CD3D: variants seen among roughly 807,000 people sequenced by gnomAD.
CD3D encodes CD3 delta subunit of T-cell receptor complex.
Under a neutral mutation model 22.0 loss-of-function variants are expected in CD3D, and 22 were observed. That is an observed-to-expected ratio of 1.00 (90% CI 0.71 to 1.43). The LOEUF (loss-of-function observed/expected upper bound fraction) is 1.43, where lower values mean the gene tolerates loss of function less well. CD3D is among the 40% of genes most tolerant of loss of function. CD3D has a pLI of 0.00. For synonymous variants in CD3D, 74 were observed against 81.2 expected (o/e 0.91, Z 0.48); for missense variants, 205 against 211.7 (o/e 0.97, Z 0.20).
At chr11:118,339,308 G>A in intron 4 of CD3D, 81 bp from the exon 5 acceptor site, 2 of 1,513,252 alleles carry the variant, frequency 1.3e-6, no homozygotes, top group East Asian at 2.3e-5. Context: ...CTGACGATGA[G>A]AGCTCCTGCC....
downstream of CD3D, chr11:118,338,992 G>C (rs1221752850): frequency 1.4e-6 from 1 of 714,692 alleles, no homozygotes; most frequent in African/African-American, 1.7e-5. Flanking sequence ...GGAAGAAACA[G>C]GTAGGTAGGA....
In CD3D at chr11:118,340,507, C is replaced by T. The variant is rs781625373; in HGVS notation, c.142G>A (p.Val48Met). ...NTSITWVEGT[V>M]GTLLSDITRL... ...GTAATGTCTGAGAGCAGTGTTCCCA[C>T]CGTTCCCTCTACCCATGTGATGCTG... The change falls in exon 2 of 5, where the codon GTG becomes ATG. Residue 48 changes from valine (V) to methionine (M), a missense_variant. By Grantham distance (21) the Val-to-Met change is conservative. Coordinates refer to ENST00000300692, the MANE Select transcript of CD3D (RefSeq NM_000732.6). 3.1e-6 allele frequency: 5 copies of T among 1,613,986 alleles called. No individual in the cohort carries two copies. Among genetic ancestry groups the T allele is most frequent in the African/African-American group, 1.3e-5 (1 of 74,918 alleles).
chr11:118,339,441 C>T lies in CD3D; in HGVS notation c.450+10G>A. 2 of 1,614,064 alleles carry T rather than the reference C, an allele frequency of 1.2e-6. No individual in the cohort carries two copies. Among genetic ancestry groups the T allele is most frequent in the Non-Finnish European group, 1.7e-6 (2 of 1,179,968 alleles). On this transcript the variant is annotated intron_variant, in intron 4 of 4. Coordinates refer to ENST00000300692, the MANE Select transcript of CD3D (RefSeq NM_000732.6). ...CCCTTCATTCCTGCCTCCTTCCCCTCAACGCTCACCTGATAGACCTGGTCA... is the reference window on the plus strand; with the variant it reads ...CCCTTCATTCCTGCCTCCTTCCCCTTAACGCTCACCTGATAGACCTGGTCA...
chr11:118,342,233 T>C (rs532780735), intron 1 of CD3D, among the ~76,000 whole-genome samples: 1 of 151,860 alleles, frequency 6.6e-6, no homozygotes, highest in Non-Finnish European at 1.5e-5. Context: ...GGCAGTGGCA[T>C]GATCACAGCT....
chr11:118,342,493 C>T (rs1948308047), intron 1 of CD3D, 60 bp downstream of exon 1: 4 of 1,456,858 alleles, frequency 2.7e-6, no homozygotes, highest in Non-Finnish European at 3.9e-6. Context: ...AAGTGGGCCT[C>T]ACTCCCATCA....
At position 118,342,582 on chromosome 11, in the gene CD3D, C is replaced by T. The variant is rs781135510; in HGVS notation, c.26G>A (p.Gly9Asp). 6.2e-7 allele frequency: 1 copy of T among 1,613,690 alleles called. No individual in the cohort carries two copies. Among genetic ancestry groups the T allele is most frequent in the South Asian group, 1.1e-5 (1 of 91,084 alleles). ...CGAGAGAAGGGTAGCCAGTACCAGG[C>T]CAGAGAGAAACGTGCTATGTTCCAT... Reference protein sequence around the residue: MEHSTFLSGLVLATLLSQV... With the variant: MEHSTFLSDLVLATLLSQV... The change falls in exon 1 of 5, where the codon GGC becomes GAC. Residue 9 changes from glycine to aspartate, a missense_variant. Transcript: ENST00000300692.
At chr11:118,341,129 C>T (rs2134060489) in intron 1 of CD3D, among the ~76,000 whole-genome samples, 1 of 152,318 alleles carries the variant, frequency 6.6e-6, no homozygotes, top group Non-Finnish European at 1.5e-5. Context: ...TTTCCCAGGG[C>T]CAGGGATGGC....
At chr11:118,340,051 T>C (rs969779086) in intron 2 of CD3D, 145 bp from the exon 3 acceptor site, 7 of 935,916 alleles carry the variant, frequency 7.5e-6, no homozygotes, top group Admixed American at 4.0e-5. Context: ...GTGATGGGCT[T>C]GCCACACCTT....
At position 118,339,501 on chromosome 11, in the gene CD3D, G is replaced by A. The variant is rs1214819999; in HGVS notation, c.407-7C>T. 1 of 1,614,128 alleles carries A rather than the reference G, an allele frequency of 6.2e-7. No homozygotes were observed. Among genetic ancestry groups the A allele is most frequent in the Non-Finnish European group, 8.5e-7 (1 of 1,180,024 alleles). On this transcript the variant is annotated splice_region_variant and splice_polypyrimidine_tract_variant and intron_variant, in intron 3 of 4. Coordinates refer to ENST00000300692, the MANE Select transcript of CD3D (RefSeq NM_000732.6). ...AGAGCTTGTGTGTCGGCAGCTAGAA[G>A]AACCAGAGAGAGACATCAATGGCCT... is the stretch of plus-strand genomic sequence containing the variant.
In CD3D at chr11:118,342,552, C is replaced by A; in HGVS notation, c.55+1G>T. On this transcript the variant is annotated splice_donor_variant, in intron 1 of 4. Transcript: ENST00000300692. LOFTEE classifies it high-confidence loss of function. ...CCCCCACCCACCTGGAGTAGCCTTACCTTGCGAGAGAAGGGTAGCCAGTAC... is the reference window on the plus strand; with the variant it reads ...CCCCCACCCACCTGGAGTAGCCTTAACTTGCGAGAGAAGGGTAGCCAGTAC... 6.2e-7 allele frequency: 1 copy of A among 1,613,522 alleles called. No homozygotes were observed. Among genetic ancestry groups the A allele is most frequent in the African/African-American group, 1.3e-5 (1 of 74,992 alleles).
intron 2 of CD3D, 29 bp from the exon 3 acceptor site, chr11:118,339,935 G>T: frequency 6.2e-7 from 1 of 1,613,750 alleles, no homozygotes; most frequent in Non-Finnish European, 8.5e-7. Context: ...GAGAGGAGAG[G>T]TTGAGAGCCT....
At chr11:118,339,026 G>A (rs199676190), downstream of CD3D, 8 of 814,230 alleles carry the variant, frequency 9.8e-6, no homozygotes, top group African/African-American at 1.2e-4. Flanking sequence ...AGCAAGTCAG[G>A]ACAACTCCCA....
rs1299729655 is a variant in CD3D, at chr11:118,339,092, A to G, written c.*70T>C. 7.5e-7 allele frequency: 1 copy of G among 1,338,504 alleles called. No homozygotes were observed. The highest frequency in any genetic ancestry group is 1.1e-6 in the Non-Finnish European group (1 of 928,774). 82.9% of individuals were successfully genotyped at this position (1,338,504 alleles called of 1,614,324 possible). ...GCACCTGCTGAGTGAAAGAGGATATATTTATTGGCTGAGCAAGAAGGGAAG... is the reference window on the plus strand; with the variant it reads ...GCACCTGCTGAGTGAAAGAGGATATGTTTATTGGCTGAGCAAGAAGGGAAG... On this transcript the variant is annotated 3_prime_UTR_variant, in exon 5 of 5. Transcript: ENST00000300692.
rs529268621 is a variant in CD3D, at chr11:118,340,589, G to A, written c.60C>T (p.Ser20=). 2 of 1,609,910 alleles carry A rather than the reference G, an allele frequency of 1.2e-6. No homozygotes were observed. Among genetic ancestry groups the A allele is most frequent in the South Asian group, 1.1e-5 (1 of 90,882 alleles). The change falls in exon 2 of 5, where the codon AGC becomes AGT. Residue 20 remains serine (S), a synonymous_variant. Transcript: ENST00000300692. ...LVLATLLSQV[S]PFKIPIEELE... ...GTTCCTCTATAGGTATCTTGAAGGG[G>A]CTCACTAAAGGGGAAAAAATATCAC...
intron 1 of CD3D, chr11:118,340,905 T>G (rs1411771475): frequency 3.4e-6 from 2 of 580,064 alleles, no homozygotes; most frequent in Non-Finnish European, 6.5e-6. Flanking sequence ...TGATGAGGAG[T>G]AGGGGGAGCA....
chr11:118,339,258 G>A (rs753689641), intron 4 of CD3D, 31 bp from the exon 5 acceptor site: 4 of 1,601,244 alleles, frequency 2.5e-6, no homozygotes, highest in Non-Finnish European at 1.7e-6. Context: ...ACGGTCAGGA[G>A]GCAGGGTTAG....
At position 118,339,149 on chromosome 11, in the gene CD3D, A is replaced by G; in HGVS notation, c.*13T>C. The G allele has an allele frequency of 1.2e-6, 2 of 1,610,570 alleles. No homozygotes were observed. The highest frequency in any genetic ancestry group is 1.7e-6 in the Non-Finnish European group (2 of 1,176,816). On this transcript the variant is annotated 3_prime_UTR_variant, in exon 5 of 5. Coordinates refer to ENST00000300692, the MANE Select transcript of CD3D (RefSeq NM_000732.6). ...TTGGTAATGGCTGCTTCTAGAAGCC[A>G]CCAGTCTCAGGTTCACTTGTTCCGA...
intron 3 of CD3D, 126 bp downstream of exon 3, chr11:118,339,649 C>T (rs913660730): frequency 1.3e-6 from 2 of 1,564,766 alleles, no homozygotes; most frequent in African/African-American, 2.7e-5. Flanking sequence ...AAGAGTAACT[C>T]CCAGCTGAGA....
At chr11:118,340,772 G>A in intron 1 of CD3D, 179 bp from the exon 2 acceptor site, 2 of 688,860 alleles carry the variant, frequency 2.9e-6, no homozygotes, top group Non-Finnish European at 5.3e-6. Flanking sequence ...ACCAACTGCA[G>A]GGGTCAAGGG....
Sources: gnomAD v4.1 joint callset for allele counts (sites outside exome capture counted in the v4.1 genomes callset) on GRCh38, gnomAD v4.1.1 for gene constraint, MANE v1.5 for transcripts, NCBI Gene and HGNC (gene_info 2026-07-23, HGNC 2026-07-21) for gene names.